LRP1B: variants seen among roughly 807,000 people sequenced by gnomAD.
LRP1B encodes LDL receptor related protein 1B.
A neutral mutation model predicts 556.6 loss-of-function variants in LRP1B; 217 were observed. That is an observed-to-expected ratio of 0.39 (90% CI 0.35 to 0.44). The LOEUF (loss-of-function observed/expected upper bound fraction) is 0.44, where lower values mean the gene tolerates loss of function less well. Ranked by LOEUF, LRP1B falls within the 20% of genes least tolerant of loss-of-function variation. LRP1B has a pLI of 1.00. For synonymous variants in LRP1B, 2,047 were observed against 1,865.8 expected, an observed-to-expected ratio of 1.10 and a Z score of -2.50; for missense variants, 5,053 against 5,620.8, an observed-to-expected ratio of 0.90 and a Z score of 3.23.
chr2:141,649,792 C>T (rs2105377021), intron 2 of LRP1B, among the ~76,000 whole-genome samples: 1 of 152,162 alleles, frequency 6.6e-6, no homozygotes, highest in Admixed American at 6.5e-5. Flanking sequence ...AGAAAGTTGA[C>T]CAGAAAATTT....
intron 3 of LRP1B, among the ~76,000 whole-genome samples, chr2:141,430,474 A>G (rs969420793): frequency 1.1e-4 from 16 of 152,336 alleles, no homozygotes; most frequent in African/African-American, 3.6e-4. Context: ...AAAGCTAGTC[A>G]GAACAATTAG....
chr2:142,069,043 C>G (rs1044851206), intron 1 of LRP1B, among the ~76,000 whole-genome samples: 14 of 151,178 alleles, frequency 9.3e-5, no homozygotes, highest in Non-Finnish European at 1.9e-4. Context: ...TCTCTCCTTC[C>G]CATCTTTTCT....
At chr2:142,078,311 C>T (rs1341043092) in intron 1 of LRP1B, among the ~76,000 whole-genome samples, 1 of 152,110 alleles carries the variant, frequency 6.6e-6, no homozygotes, top group African/African-American at 2.4e-5. Context: ...ACTTCTTACC[C>T]AAGATATCCT....
intron 1 of LRP1B, among the ~76,000 whole-genome samples, chr2:141,812,243 G>C (rs1696381545): frequency 2.6e-5 from 4 of 152,008 alleles, no homozygotes; most frequent in Non-Finnish European, 4.4e-5. Flanking sequence ...AAATTATTTT[G>C]CTTATAGATA....
rs1019864277 is a variant in LRP1B at position 141,551,318 on chromosome 2, G to T, written c.206-70785C>A. On this transcript the variant is annotated intron_variant, in intron 2 of 90. Coordinates refer to ENST00000389484, the MANE Select transcript of LRP1B (RefSeq NM_018557.3). ...TTAATGTATTTTACAATAGTCCAAGGTTATTCATTAAACATTTAAAAAAGA... is the reference window on the plus strand; with the variant it reads ...TTAATGTATTTTACAATAGTCCAAGTTTATTCATTAAACATTTAAAAAAGA... 2.0e-5 allele frequency among the ~76,000 whole-genome samples: 3 copies of T among 151,608 alleles called. No homozygotes were observed. In the East Asian group the frequency reaches 5.8e-4, roughly 29 times the overall value.
At chr2:141,496,281 A>T (rs1174320062) in intron 2 of LRP1B, among the ~76,000 whole-genome samples, 3 of 151,950 alleles carry the variant, frequency 2.0e-5, no homozygotes, top group Non-Finnish European at 4.4e-5. Context: ...CACTCTAAAA[A>T]AAAAATGCCA....
chr2:140,235,829 T>G (rs1214379723), intron 89 of LRP1B, among the ~76,000 whole-genome samples: 6 of 151,074 alleles, frequency 4.0e-5, no homozygotes, highest in Non-Finnish European at 7.4e-5. Flanking sequence ...CTCCTTCATA[T>G]GAAAAATGTG....
At chr2:141,434,766 T>C (rs1385217839) in intron 3 of LRP1B, among the ~76,000 whole-genome samples, 1 of 152,206 alleles carries the variant, frequency 6.6e-6, no homozygotes, top group Non-Finnish European at 1.5e-5. Flanking sequence ...TGTTATTTGC[T>C]TGTTAATCAG....
chr2:141,695,755 T>C (rs908162282), intron 2 of LRP1B, among the ~76,000 whole-genome samples: 1 of 151,944 alleles, frequency 6.6e-6, no homozygotes, highest in Non-Finnish European at 1.5e-5. Context: ...CTAAATAACA[T>C]CGTATTCAAA....
chr2:140,390,154 AT>A (rs1196259835), intron 66 of LRP1B, among the ~76,000 whole-genome samples: 1 of 152,130 alleles, frequency 6.6e-6, no homozygotes, highest in Non-Finnish European at 1.5e-5. Context: ...AGAAAAAAAA[AT>A]GGAAATGCAA....
intron 48 of LRP1B, 35 bp downstream of exon 48, chr2:140,526,202 A>C: frequency 1.3e-6 from 2 of 1,586,486 alleles, no homozygotes; most frequent in East Asian, 4.5e-5. Flanking sequence ...AAAGTGCCCA[A>C]GCATAAACAG....
chr2:140,849,394 A>G (rs1290233443), intron 29 of LRP1B, among the ~76,000 whole-genome samples: 1 of 68,200 alleles, frequency 1.5e-5, no homozygotes, highest in Non-Finnish European at 3.8e-5. Flanking sequence ...AAAAACAAAA[A>G]ACAAAAAACA....
chr2:141,863,381 C>T (rs1396784445), intron 1 of LRP1B, among the ~76,000 whole-genome samples: 1 of 152,088 alleles, frequency 6.6e-6, no homozygotes, highest in Non-Finnish European at 1.5e-5. Context: ...ATTAAGTGAT[C>T]AGGCAAAAAT....
chr2:141,036,818 G>A (rs1698545677), intron 11 of LRP1B, among the ~76,000 whole-genome samples: 1 of 151,772 alleles, frequency 6.6e-6, no homozygotes. Flanking sequence ...CTGGAAAAGG[G>A]GCACAAAAAT....
At chr2:140,831,632 C>G (rs1287524727) in intron 31 of LRP1B, among the ~76,000 whole-genome samples, 1 of 152,124 alleles carries the variant, frequency 6.6e-6, no homozygotes, top group East Asian at 1.9e-4. Flanking sequence ...CTTGGCTAAA[C>G]TTTCAAAAGC....
chr2:140,283,225 T>A (rs1376221947), intron 84 of LRP1B, among the ~76,000 whole-genome samples: 1 of 151,588 alleles, frequency 6.6e-6, no homozygotes, highest in Non-Finnish European at 1.5e-5. Context: ...TTAAAAAGAC[T>A]TAATATTGGG....
chr2:141,583,408 T>C (rs1417159346), intron 2 of LRP1B, among the ~76,000 whole-genome samples: 2 of 152,018 alleles, frequency 1.3e-5, no homozygotes, highest in Non-Finnish European at 2.9e-5. Context: ...ACAAGAAGTT[T>C]TGCTTATGGC....
At chr2:141,573,192 T>C (rs1686598868) in intron 2 of LRP1B, among the ~76,000 whole-genome samples, 1 of 152,150 alleles carries the variant, frequency 6.6e-6, no homozygotes, top group South Asian at 2.1e-4. Flanking sequence ...GACCACATAA[T>C]TGGGAGTAAA....
At chr2:141,689,344 C>G (rs949129626) in intron 2 of LRP1B, among the ~76,000 whole-genome samples, 5 of 151,680 alleles carry the variant, frequency 3.3e-5, no homozygotes, top group Non-Finnish European at 5.9e-5. Flanking sequence ...CACTCTGCCT[C>G]AAAACACTAT....
Sources: gnomAD v4.1 joint callset for allele counts (sites outside exome capture counted in the v4.1 genomes callset) on GRCh38, gnomAD v4.1.1 for gene constraint, MANE v1.5 for transcripts, NCBI Gene and HGNC (gene_info 2026-07-23, HGNC 2026-07-21) for gene names.